The following CALN1 variants were observed in gnomAD, a reference collection of about 807,000 sequenced individuals.
CALN1 encodes the protein calcium-binding protein 8.
In CALN1, 17 loss-of-function variants were observed where a neutral mutation model predicts 30.6. The ratio of observed to expected loss-of-function variants is 0.56; its 90% CI spans 0.38 to 0.83. The LOEUF (loss-of-function observed/expected upper bound fraction) is 0.83. Ranked by LOEUF, CALN1 falls within the 40% of genes least tolerant of loss-of-function variation. The pLI is 0.00. For synonymous variants in CALN1, 156 were observed against 131.4 expected, an observed-to-expected ratio of 1.19 and a Z score of -1.28; for missense variants, 291 against 354.9, an observed-to-expected ratio of 0.82 and a Z score of 1.45.
chr7:72,452,420 G>A, the CALN1 span, among the ~76,000 whole-genome samples: 1 of 151,958 alleles, frequency 6.6e-6, no homozygotes, highest in Admixed American at 6.6e-5. Flanking sequence ...GATAATGAGT[G>A]GATTCTCACT....
chr7:72,461,724 T>A, the CALN1 span, among the ~76,000 whole-genome samples: 1 of 152,160 alleles, frequency 6.6e-6, no homozygotes, highest in Non-Finnish European at 1.5e-5. Context: ...AAAATTCATA[T>A]GGGTTGGGCG....
chr7:71,971,971 A>AAGAAAGAAAGAAAGAC (rs1319767477), intron 5 of CALN1, among the ~76,000 whole-genome samples: 6 of 141,974 alleles, frequency 4.2e-5, no homozygotes, highest in African/African-American at 1.6e-4. Flanking sequence ...GAAAGAAAGA[A>AAGAAAGAAAGAAAGAC]AGAAAGAAAG....
chr7:72,150,450 A>T (rs115380602), intron 3 of CALN1, among the ~76,000 whole-genome samples: 3,997 of 152,160 alleles, frequency 0.026, 185 homozygotes, highest in African/African-American at 0.091. Flanking sequence ...AAGTGCTATT[A>T]AAAAAAACAC....
At chr7:72,290,926 A>ATTTTTTT (rs11352227) in intron 2 of CALN1, among the ~76,000 whole-genome samples, 2 of 143,446 alleles carry the variant, frequency 1.4e-5, no homozygotes, top group African/African-American at 2.6e-5. Context: ...CCTTTTAACC[A>ATTTTTTT]TTTTTTTTTT....
chr7:72,109,293 G>C (rs1351913213), intron 3 of CALN1, among the ~76,000 whole-genome samples: 1 of 152,092 alleles, frequency 6.6e-6, no homozygotes, highest in Non-Finnish European at 1.5e-5. Flanking sequence ...AGCTAATTAG[G>C]TCCACGGCCA....
intron 5 of CALN1, among the ~76,000 whole-genome samples, chr7:71,948,699 C>G (rs1796531319): frequency 6.6e-6 from 1 of 150,418 alleles, no homozygotes; most frequent in African/African-American, 2.5e-5. Flanking sequence ...CCACTGCACT[C>G]CAGCCTGGGT....
intron 5 of CALN1, among the ~76,000 whole-genome samples, chr7:71,864,059 A>C (rs987021843): frequency 5.3e-5 from 8 of 151,910 alleles, no homozygotes; most frequent in Non-Finnish European, 4.4e-5. Context: ...TTCTCTATTG[A>C]GGTTAGTGAT....
At chr7:72,345,874 G>C (rs979334305) in intron 2 of CALN1, among the ~76,000 whole-genome samples, 17 of 152,064 alleles carry the variant, frequency 1.1e-4, no homozygotes, top group Non-Finnish European at 2.9e-5. Context: ...CAAATGTATA[G>C]CCACTATAAT....
chr7:72,118,993 A>C (rs1808193494), intron 3 of CALN1, among the ~76,000 whole-genome samples: 1 of 152,224 alleles, frequency 6.6e-6, no homozygotes, highest in African/African-American at 2.4e-5. Context: ...TTGTGATCTT[A>C]TTTTAGTAAA....
At chr7:72,399,289 T>TTTA (rs398047781) in intron 2 of CALN1, among the ~76,000 whole-genome samples, 2 of 147,134 alleles carry the variant, frequency 1.4e-5, no homozygotes, top group African/African-American at 2.6e-5. Context: ...TTTTTTTTTT[T>TTTA]GAGATGGAGT....
intron 3 of CALN1, among the ~76,000 whole-genome samples, chr7:72,254,346 A>C (rs915937766): frequency 5.3e-5 from 8 of 152,184 alleles, no homozygotes; most frequent in Non-Finnish European, 1.0e-4. Flanking sequence ...GAGAATGCAG[A>C]GAACATGATT....
Position 71,787,846 on chromosome 7 carries a change from A to G in CALN1, c.715T>C (p.Phe239Leu), listed in dbSNP as rs748599942. 6.2e-7 allele frequency: 1 copy of G among 1,614,164 alleles called. No homozygotes were observed. The highest frequency in any genetic ancestry group is 1.7e-5 in the Admixed American group (1 of 60,014). ...TCVRKSLICA[F>L]AMAFIISVML... Reference sequence around the variant, plus strand: ...ACACTGATGATGAAGGCCATAGCAAAGGCGCATATGAGGCTCTTCCGGACG... The same window carrying G: ...ACACTGATGATGAAGGCCATAGCAAGGGCGCATATGAGGCTCTTCCGGACG... Residue 239 changes from phenylalanine to leucine, a missense_variant, in exon 7 of 7, where the codon TTT becomes CTT. By Grantham distance (22) the Phe-to-Leu change is conservative. Around this residue, in one of 2 missense-constraint regions of CALN1, gnomAD observed 169 missense variants for 251.7 expected, o/e 0.67. Transcript: ENST00000395275.
At chr7:72,296,712 C>A (rs1475624594) in intron 2 of CALN1, among the ~76,000 whole-genome samples, 2 of 147,052 alleles carry the variant, frequency 1.4e-5, no homozygotes, top group African/African-American at 5.0e-5. Context: ...GGTGATATCC[C>A]CTTTATCATT....
the CALN1 span, among the ~76,000 whole-genome samples, chr7:72,455,618 G>A: frequency 2.0e-5 from 3 of 152,000 alleles, no homozygotes; most frequent in Admixed American, 6.6e-5. Flanking sequence ...GGTTCTCATC[G>A]TGAGGACTGA....
At chr7:71,809,906 T>C (rs1562799039) in intron 6 of CALN1, among the ~76,000 whole-genome samples, 1 of 151,814 alleles carries the variant, frequency 6.6e-6, no homozygotes. Flanking sequence ...GGTGTAATCA[T>C]CCTGATGTTT....
intron 5 of CALN1, among the ~76,000 whole-genome samples, chr7:72,010,972 G>A (rs915522850): frequency 1.6e-4 from 25 of 151,816 alleles, no homozygotes; most frequent in Non-Finnish European, 3.1e-4. Flanking sequence ...GGCCAACACA[G>A]TGAAACCTTG....
the CALN1 span, among the ~76,000 whole-genome samples, chr7:72,475,950 T>C: frequency 1.3e-3 from 183 of 138,176 alleles, no homozygotes; most frequent in African/African-American, 4.9e-3. Context: ...TCTTTTTTTT[T>C]TTTTTTTTTT....
At chr7:71,901,385 C>A (rs1793838191) in intron 5 of CALN1, among the ~76,000 whole-genome samples, 1 of 145,002 alleles carries the variant, frequency 6.9e-6, no homozygotes, top group African/African-American at 2.6e-5. Flanking sequence ...TATCATTTTT[C>A]ACAGAATTAA....
intron 3 of CALN1, among the ~76,000 whole-genome samples, chr7:72,114,252 G>A (rs1157734903): frequency 6.8e-5 from 3 of 43,846 alleles, no homozygotes; most frequent in African/African-American, 3.0e-4. Context: ...TTGAAGGGAA[G>A]GGAAGGGAAG....
Sources: allele counts gnomAD v4.1 joint callset (sites outside exome capture counted in the v4.1 genomes callset), GRCh38; gene constraint gnomAD v4.1.1; regional missense constraint gnomAD v4.1.1; transcripts MANE v1.5; gene names NCBI Gene and HGNC (gene_info 2026-07-23, HGNC 2026-07-21).